The following MCF2L2 variants were observed in gnomAD, a reference collection of about 807,000 sequenced individuals.
MCF2L2 encodes MCF.2 cell line derived transforming sequence-like 2.
Under a neutral mutation model 150.2 loss-of-function variants are expected in MCF2L2, and 102 were observed. The ratio of observed to expected loss-of-function variants is 0.68; its 90% CI spans 0.58 to 0.80. MCF2L2 has a LOEUF of 0.80. Ranked by LOEUF, MCF2L2 falls within the 30% of genes least tolerant of loss-of-function variation. MCF2L2 has a pLI of 0.00. For missense variants in MCF2L2, 1,256 were observed against 1,372.8 expected (o/e 0.91, Z 1.34); for synonymous variants, 465 against 491.3 (o/e 0.95, Z 0.71).
intron 11 of MCF2L2, 134 bp downstream of exon 11, chr3:183,299,871 T>C: frequency 1.0e-6 from 1 of 959,416 alleles, no homozygotes; most frequent in Non-Finnish European, 1.5e-6. Flanking sequence ...CAGTTTTTAA[T>C]GCCTCTCGAA....
chr3:183,334,941 C>CA (rs1437546511), intron 5 of MCF2L2, among the ~76,000 whole-genome samples: 9 of 151,476 alleles, frequency 5.9e-5, no homozygotes, highest in Non-Finnish European at 1.0e-4. Flanking sequence ...TCCATTTCTA[C>CA]AAAAAAATTT....
At chr3:183,415,341 C>A (rs930795819) in intron 1 of MCF2L2, among the ~76,000 whole-genome samples, 4 of 152,128 alleles carry the variant, frequency 2.6e-5, no homozygotes, top group Non-Finnish European at 5.9e-5. Flanking sequence ...TGCCCGCCAC[C>A]ACACCTGACT....
At chr3:183,212,098 C>G (rs1722742931) in intron 22 of MCF2L2, among the ~76,000 whole-genome samples, 1 of 152,126 alleles carries the variant, frequency 6.6e-6, no homozygotes, top group South Asian at 2.1e-4. Context: ...TGGAGTGGCA[C>G]AGCTGTCAGC....
At chr3:183,402,524 A>C (rs971516212) in intron 1 of MCF2L2, among the ~76,000 whole-genome samples, 2 of 149,628 alleles carry the variant, frequency 1.3e-5, no homozygotes, top group African/African-American at 2.4e-5. Flanking sequence ...TTTTTTGGCC[A>C]GGCACAGTGG....
chr3:183,351,190 GTATATATATATATA>G lies in MCF2L2; in HGVS notation c.276-9574_276-9561del, dbSNP rs60311053. Reference sequence around the variant, plus strand: ...GTGTGTGTGATATTTATTTTCTTAAGTATATATATATATATATATATATATATATATATATATAT... The same window carrying G: ...GTGTGTGTGATATTTATTTTCTTAAGTATATATATATATATATATATATAT... On this transcript the variant is annotated intron_variant, in intron 3 of 29. Transcript: ENST00000328913. 6.6e-3 allele frequency among the ~76,000 whole-genome samples: 255 copies of G among 38,836 alleles called. 5 individuals are homozygous for G. Among genetic ancestry groups the G allele is most frequent in the East Asian group, 0.023 (25 of 1,088 alleles). The allele number at this position is 38,836 out of a possible 152,430, so 25.5% of individuals were successfully genotyped here. A position where few individuals can be genotyped will look rare whatever the true frequency, so the allele number is the denominator to read the frequency against.
chr3:183,278,621 T>C (rs1013349417), intron 14 of MCF2L2, among the ~76,000 whole-genome samples: 9 of 152,222 alleles, frequency 5.9e-5, no homozygotes, highest in Admixed American at 6.5e-5. Flanking sequence ...CAGCGTGTAA[T>C]ACAGGCCCTT....
intron 25 of MCF2L2, among the ~76,000 whole-genome samples, chr3:183,204,178 A>G (rs1020238121): frequency 6.6e-6 from 1 of 152,202 alleles, no homozygotes; most frequent in Non-Finnish European, 1.5e-5. Context: ...TGCAAAGAAC[A>G]CTATCAAGAG....
At chr3:183,420,671 C>T (rs943755794) in intron 1 of MCF2L2, among the ~76,000 whole-genome samples, 16 of 152,294 alleles carry the variant, frequency 1.1e-4, no homozygotes, top group African/African-American at 3.1e-4. Context: ...CTCATAGTTC[C>T]GCCTGGCTGG....
intron 3 of MCF2L2, chr3:183,372,600 G>A (rs1210695618): frequency 6.6e-6 from 1 of 152,204 alleles, no homozygotes; most frequent in Non-Finnish European, 1.5e-5. Context: ...GCTGAGGCAG[G>A]AGAATCACTT....
At chr3:183,385,255 C>T (rs1229588221) in intron 2 of MCF2L2, among the ~76,000 whole-genome samples, 1 of 152,072 alleles carries the variant, frequency 6.6e-6, no homozygotes, top group Non-Finnish European at 1.5e-5. Flanking sequence ...ACATGTGTGG[C>T]CCACACTGTA....
At chr3:183,194,842 T>C (rs533284151) in intron 26 of MCF2L2, among the ~76,000 whole-genome samples, 37 of 152,322 alleles carry the variant, frequency 2.4e-4, no homozygotes, top group Admixed American at 7.9e-4. Context: ...AGTGCAGTGA[T>C]GTGATCTAGG....
intron 3 of MCF2L2, among the ~76,000 whole-genome samples, chr3:183,369,793 A>G (rs1269808023): frequency 6.6e-6 from 1 of 152,204 alleles, no homozygotes; most frequent in East Asian, 1.9e-4. Flanking sequence ...AATAGTAAAA[A>G]GTCAAGCCCT....
chr3:183,418,093 C>G (rs1383131572), intron 1 of MCF2L2, among the ~76,000 whole-genome samples: 1 of 152,130 alleles, frequency 6.6e-6, no homozygotes, highest in Non-Finnish European at 1.5e-5. Flanking sequence ...GAGGCTGAGG[C>G]AGAAGAATCA....
chr3:183,405,499 G>A (rs1035177590), intron 1 of MCF2L2, among the ~76,000 whole-genome samples: 24 of 152,022 alleles, frequency 1.6e-4, no homozygotes, highest in African/African-American at 5.8e-4. Context: ...CTTAACCCCT[G>A]GAAATCACTG....
At chr3:183,272,996 T>C in intron 15 of MCF2L2, 1 of 1,474,484 alleles carries the variant, frequency 6.8e-7, no homozygotes, top group Non-Finnish European at 9.0e-7. Context: ...AGGCACTTCC[T>C]TTTTTTCTAA....
At chr3:183,252,001 G>C (rs778440002) in intron 15 of MCF2L2, among the ~76,000 whole-genome samples, 37 of 147,074 alleles carry the variant, frequency 2.5e-4, no homozygotes, top group Non-Finnish European at 4.6e-4. Flanking sequence ...GTGTTTATCT[G>C]TATCTAGTAT....
At chr3:183,257,450 A>G (rs1725146068) in intron 15 of MCF2L2, among the ~76,000 whole-genome samples, 1 of 152,224 alleles carries the variant, frequency 6.6e-6, no homozygotes, top group Non-Finnish European at 1.5e-5. Context: ...AGTATGTGAT[A>G]AGTTAATGTT....
intron 10 of MCF2L2, 110 bp from the exon 11 acceptor site, chr3:183,300,306 C>T: frequency 1.0e-6 from 1 of 984,578 alleles, no homozygotes; most frequent in African/African-American, 1.7e-5. Flanking sequence ...GAGATGCTAA[C>T]CCAGGATGAA....
intron 15 of MCF2L2, among the ~76,000 whole-genome samples, chr3:183,240,980 A>T (rs1723997430): frequency 6.6e-6 from 1 of 152,266 alleles, no homozygotes; most frequent in Non-Finnish European, 1.5e-5. Flanking sequence ...TGGCTCCATG[A>T]TAGGCACTTG....
Sources: gnomAD v4.1 joint callset for allele counts (sites outside exome capture counted in the v4.1 genomes callset) on GRCh38, gnomAD v4.1.1 for gene constraint, MANE v1.5 for transcripts, NCBI Gene and HGNC (gene_info 2026-07-23, HGNC 2026-07-21) for gene names.